ABCA13: variants seen among roughly 807,000 people sequenced by gnomAD.
ABCA13 encodes ATP-binding cassette sub-family A member 13.
A neutral mutation model predicts 478.7 loss-of-function variants in ABCA13; 476 were observed. That is an observed-to-expected ratio of 0.99 (90% confidence interval 0.92 to 1.07). The LOEUF is 1.07. ABCA13 is among the 50% of genes least tolerant of loss of function. The pLI is 0.00. For synonymous variants in ABCA13, 2,252 were observed against 2,158.9 expected (o/e 1.04, Z -1.20); for missense variants, 6,060 against 5,910.6 (o/e 1.03, Z -0.83).
chr7:48,605,327 T>G (rs540152847), intron 58 of ABCA13, among the ~76,000 whole-genome samples: 2 of 152,360 alleles, frequency 1.3e-5, no homozygotes, highest in African/African-American at 4.8e-5. Context: ...ATAGCATCGA[T>G]GGTCTTTACA....
Position 48,600,825 on chromosome 7 carries a change from T to C in ABCA13, c.14744+6012T>C, listed in dbSNP as rs144340230. ...AAAAAGACATATCCACAGTCTTAAA[T>C]AGTAATCCATACAATTGTCATTTCT... On this transcript the variant is annotated intron_variant, in intron 58 of 61. Coordinates refer to ENST00000435803, the MANE Select transcript of ABCA13 (RefSeq NM_152701.5). 4.0e-3 allele frequency among the ~76,000 whole-genome samples: 615 copies of C among 152,344 alleles called. 6 individuals carry two copies. Among genetic ancestry groups the C allele is most frequent in the African/African-American group, 0.014 (582 of 41,590 alleles).
chr7:48,464,557 C>T (rs569338628), intron 43 of ABCA13, among the ~76,000 whole-genome samples: 1 of 152,292 alleles, frequency 6.6e-6, no homozygotes, highest in Non-Finnish European at 1.5e-5. Context: ...AAACAAAGTC[C>T]TCCTCAGCAG....
intron 3 of ABCA13, among the ~76,000 whole-genome samples, chr7:48,199,978 A>AT (rs1798443007): frequency 6.6e-6 from 1 of 152,234 alleles, no homozygotes; most frequent in African/African-American, 2.4e-5. Flanking sequence ...CAAATATAGA[A>AT]AACATCTAGC....
At chr7:48,623,180 C>G (rs1215552540) in intron 59 of ABCA13, among the ~76,000 whole-genome samples, 1 of 152,208 alleles carries the variant, frequency 6.6e-6, no homozygotes, top group Non-Finnish European at 1.5e-5. Context: ...GTTGACATGT[C>G]TTTTGGCAAA....
intron 23 of ABCA13, among the ~76,000 whole-genome samples, chr7:48,302,721 A>G (rs1449306905): frequency 6.6e-6 from 1 of 152,176 alleles, no homozygotes; most frequent in Non-Finnish European, 1.5e-5. Flanking sequence ...TATATGTACC[A>G]TATTTTCTTT....
At chr7:48,538,885 A>G (rs182048986) in intron 55 of ABCA13, among the ~76,000 whole-genome samples, 13 of 152,284 alleles carry the variant, frequency 8.5e-5, no homozygotes, top group Admixed American at 3.3e-4. Flanking sequence ...ATTTCTTTAC[A>G]AACTCTCTGT....
intron 55 of ABCA13, among the ~76,000 whole-genome samples, chr7:48,571,389 T>C (rs575752634): frequency 1.6e-4 from 25 of 152,194 alleles, no homozygotes; most frequent in Non-Finnish European, 2.9e-4. Flanking sequence ...ACTCTCTCAG[T>C]TTTTGTTGAG....
At chr7:48,524,699 A>G (rs1380119170) in intron 54 of ABCA13, among the ~76,000 whole-genome samples, 1 of 152,184 alleles carries the variant, frequency 6.6e-6, no homozygotes, top group South Asian at 2.1e-4. Flanking sequence ...AGTTTTAATT[A>G]TGACTTGGGC....
At chr7:48,240,004 G>A (rs10245764) in intron 9 of ABCA13, among the ~76,000 whole-genome samples, 44,543 of 152,114 alleles carry the variant, frequency 0.29, 7,334 homozygotes, top group Non-Finnish European at 0.38. Flanking sequence ...GGGAGGTTTT[G>A]GAGACTGTGA....
chr7:48,640,463 G>T (rs1795025743), intron 59 of ABCA13, among the ~76,000 whole-genome samples: 1 of 151,990 alleles, frequency 6.6e-6, no homozygotes, highest in South Asian at 2.1e-4. Flanking sequence ...AATGTTTGTG[G>T]TTCCAAAATG....
Position 48,245,511 on chromosome 7 carries a change from G to A in ABCA13, c.1391-1G>A. On this transcript the variant is annotated splice_acceptor_variant, in intron 11 of 61. Transcript: ENST00000435803. LOFTEE classifies it high-confidence loss of function. ...TAATAATCAATTTGTCTACTTTGCA[G>A]AAGTCCTCATTTGCCTGGAGACATC... 1 of 1,607,746 alleles carries A rather than the reference G, an allele frequency of 6.2e-7. No individual in the cohort carries two copies. Among genetic ancestry groups the A allele is most frequent in the Non-Finnish European group, 8.5e-7 (1 of 1,177,772 alleles).
chr7:48,483,216 C>G, intron 47 of ABCA13, 53 bp downstream of exon 47: 1 of 1,461,280 alleles, frequency 6.8e-7, no homozygotes, highest in South Asian at 1.2e-5. Context: ...TAGGAAAACT[C>G]AACATTCAAA....
At chr7:48,541,783 A>C (rs574569492) in intron 55 of ABCA13, among the ~76,000 whole-genome samples, 12 of 146,416 alleles carry the variant, frequency 8.2e-5, no homozygotes, top group Admixed American at 7.5e-4. Context: ...AGTTATATCT[A>C]TATATATATT....
chr7:48,381,689 A>G (rs567922589), intron 35 of ABCA13, among the ~76,000 whole-genome samples: 1 of 152,126 alleles, frequency 6.6e-6, no homozygotes, highest in Non-Finnish European at 1.5e-5. Context: ...GTCTAATTTC[A>G]TTGACCTCTT....
At chr7:48,626,039 C>T (rs550785817) in intron 59 of ABCA13, among the ~76,000 whole-genome samples, 23 of 152,250 alleles carry the variant, frequency 1.5e-4, no homozygotes, top group Non-Finnish European at 2.8e-4. Context: ...GATAATTGTT[C>T]TAAGAGACTG....
At chr7:48,447,749 A>T (rs943888469) in intron 42 of ABCA13, among the ~76,000 whole-genome samples, 2 of 152,158 alleles carry the variant, frequency 1.3e-5, no homozygotes, top group African/African-American at 4.8e-5. Context: ...CCATTCAATC[A>T]CCCATCAGAC....
chr7:48,278,679 C>T lies in ABCA13; in HGVS notation c.7485C>T (p.Leu2495=). The change falls in exon 18 of 62, where the codon CTC becomes CTT. Residue 2495 remains leucine, a synonymous_variant. Transcript: ENST00000435803. ...ASEESHVLKP[L]LEMSGTLVML... is the part of the protein sequence containing the mutation. Reference sequence around the variant, plus strand: ...AAGAAAGTCACGTCCTGAAACCCCTCTTAGAAATGTCTGGGACTCTGGTCA... The same window carrying T: ...AAGAAAGTCACGTCCTGAAACCCCTTTTAGAAATGTCTGGGACTCTGGTCA... 1 of 1,613,716 alleles carries T rather than the reference C, an allele frequency of 6.2e-7. No homozygotes were observed. Among genetic ancestry groups the T allele is most frequent in the Non-Finnish European group, 8.5e-7 (1 of 1,179,624 alleles).
intron 1 of ABCA13, among the ~76,000 whole-genome samples, chr7:48,180,960 A>G (rs559214032): frequency 6.6e-6 from 1 of 152,286 alleles, no homozygotes; most frequent in East Asian, 1.9e-4. Context: ...CCTACCAACA[A>G]CAAAACAAAA....
Position 48,376,463 on chromosome 7 carries a change from C to A in ABCA13, c.11226C>A (p.Tyr3742Ter). ...QETGIQWNNM[Y>*]QALEQGGMTF... ...TAGGGATTCAATGGAATAATATGTA[C>A]CAGGCTCTGGAACAAGGGGGCATGA... Residue 3742 changes from tyrosine to a stop codon, truncating the protein, a stop_gained, in exon 35 of 62, where the codon TAC becomes TAA. Transcript: ENST00000435803. LOFTEE classifies it high-confidence loss of function. 1 of 1,613,808 alleles carries A rather than the reference C, an allele frequency of 6.2e-7. No homozygotes were observed. The highest frequency in any genetic ancestry group is 2.2e-5 in the East Asian group (1 of 44,852).
Sources: gnomAD v4.1 joint callset for allele counts (sites outside exome capture counted in the v4.1 genomes callset) on GRCh38, gnomAD v4.1.1 for gene constraint, MANE v1.5 for transcripts, NCBI Gene and HGNC (gene_info 2026-07-23, HGNC 2026-07-21) for gene names.